Variants in PACRG observed in about 807,000 individuals in gnomAD.
PACRG encodes the protein parkin coregulated, also known as parkin coregulated gene protein.
PACRG carries 29 observed loss-of-function variants against 29.7 expected under a neutral mutation model. The ratio of observed to expected loss-of-function variants is 0.98; its 90% CI spans 0.73 to 1.33. The LOEUF (loss-of-function observed/expected upper bound fraction) is 1.33, where lower values mean the gene tolerates loss of function less well. Ranked by LOEUF, PACRG falls within the 40% of genes most tolerant of loss-of-function variation. The pLI is 0.00. For missense variants in PACRG, 279 were observed against 316.2 expected (o/e 0.88, Z 0.89); for synonymous variants, 116 against 118.7 (o/e 0.98, Z 0.15).
intron 4 of PACRG, among the ~76,000 whole-genome samples, chr6:163,100,140 A>G (rs949812888): frequency 2.0e-5 from 3 of 151,884 alleles, no homozygotes; most frequent in South Asian, 2.1e-4. Flanking sequence ...GGAGGCGGCT[A>G]CGGCTCGGCC....
chr6:162,908,534 G>A (rs1479027682), intron 2 of PACRG, among the ~76,000 whole-genome samples: 1 of 152,186 alleles, frequency 6.6e-6, no homozygotes, highest in African/African-American at 2.4e-5. Context: ...ATATGGCCCT[G>A]CAGCTGAAGA....
chr6:162,867,289 T>G (rs1445899405), intron 2 of PACRG, among the ~76,000 whole-genome samples: 1 of 152,188 alleles, frequency 6.6e-6, no homozygotes, highest in Non-Finnish European at 1.5e-5. Context: ...TTTTGGGTTT[T>G]GTTTTATTCT....
At chr6:163,102,614 A>AT (rs1176409918) in intron 4 of PACRG, among the ~76,000 whole-genome samples, 1 of 152,208 alleles carries the variant, frequency 6.6e-6, no homozygotes, top group Non-Finnish European at 1.5e-5. Flanking sequence ...TTTTTGCTAA[A>AT]TCTTTGCTAA....
intron 2 of PACRG, among the ~76,000 whole-genome samples, chr6:162,921,199 G>A (rs1270419505): frequency 2.6e-5 from 4 of 152,106 alleles, no homozygotes; most frequent in Admixed American, 1.3e-4. Flanking sequence ...GCCTTGTCAC[G>A]TAGACCCAGG....
rs775584565 is a variant in PACRG at position 163,089,394 on chromosome 6, T to C, written c.599T>C (p.Phe200Ser). 3 of 1,613,794 alleles carry C rather than the reference T, an allele frequency of 1.9e-6. No individual in the cohort carries two copies. The highest frequency in any genetic ancestry group is 1.7e-5 in the Admixed American group (1 of 59,966). The change falls in exon 4 of 5, where the codon TTT becomes TCT. Residue 200 changes from phenylalanine (F) to serine (S), a missense_variant. By Grantham distance (155) the Phe-to-Ser change is radical. Coordinates refer to ENST00000366888, the MANE Select transcript of PACRG (RefSeq NM_001080379.2). ...YRQILPVLNIFKNMNVNSGDG... is the reference protein window; with the variant it reads ...YRQILPVLNISKNMNVNSGDG... The stretch of plus-strand genomic sequence containing the variant: ...CAAATCCTCCCTGTCCTGAACATCT[T>C]TAAGAATATGAATGGTGAGTGAGCC...
chr6:162,964,769 T>C (rs1222320253), intron 2 of PACRG, among the ~76,000 whole-genome samples: 1 of 152,178 alleles, frequency 6.6e-6, no homozygotes, highest in African/African-American at 2.4e-5. Flanking sequence ...AATCCTGAGC[T>C]AAGATTAGGA....
At chr6:162,871,076 G>A (rs1014972608) in intron 2 of PACRG, among the ~76,000 whole-genome samples, 2 of 152,144 alleles carry the variant, frequency 1.3e-5, no homozygotes, top group African/African-American at 4.8e-5. Flanking sequence ...CAATTGCTAT[G>A]AGAAAATTAA....
At chr6:163,105,693 C>A (rs1815342248) in intron 4 of PACRG, among the ~76,000 whole-genome samples, 1 of 152,192 alleles carries the variant, frequency 6.6e-6, no homozygotes, top group African/African-American at 2.4e-5. Context: ...GGAAGATAAA[C>A]ATGTTTTTAG....
chr6:163,083,824 AAAG>A (rs1291252657), intron 3 of PACRG, among the ~76,000 whole-genome samples: 2 of 152,144 alleles, frequency 1.3e-5, no homozygotes, highest in Admixed American at 1.3e-4. Context: ...TCTTGTTTTA[AAAG>A]AAGAAGCAGA....
chr6:162,924,573 T>G (rs1797293956), intron 2 of PACRG, among the ~76,000 whole-genome samples: 1 of 152,120 alleles, frequency 6.6e-6, no homozygotes, highest in Non-Finnish European at 1.5e-5. Context: ...TATACCCCAT[T>G]TGTTGAGAGT....
chr6:163,233,200 C>T (rs929902732), intron 4 of PACRG, among the ~76,000 whole-genome samples: 2 of 152,206 alleles, frequency 1.3e-5, no homozygotes, highest in Non-Finnish European at 2.9e-5. Context: ...ATTTTTCTCA[C>T]CTACTTTCAT....
chr6:162,914,952 G>A (rs1450331324), intron 2 of PACRG, among the ~76,000 whole-genome samples: 2 of 151,646 alleles, frequency 1.3e-5, no homozygotes, highest in Non-Finnish European at 1.5e-5. Flanking sequence ...TGAGATTTTT[G>A]TATAAACAAT....
intron 4 of PACRG, among the ~76,000 whole-genome samples, chr6:163,136,699 T>C (rs1585255504): frequency 1.3e-5 from 2 of 152,242 alleles, no homozygotes; most frequent in South Asian, 2.1e-4. Context: ...CGGAAACTGT[T>C]GTACTACACC....
At chr6:162,803,056 T>A (rs1390651802) in intron 1 of PACRG, among the ~76,000 whole-genome samples, 1 of 152,142 alleles carries the variant, frequency 6.6e-6, no homozygotes, top group Non-Finnish European at 1.5e-5. Flanking sequence ...ACTCTTCAGA[T>A]GTCCAGTTGT....
At position 163,106,888 on chromosome 6, in the gene PACRG, GA is replaced by G. The variant is rs557989392; in HGVS notation, c.613+17482del. The stretch of plus-strand genomic sequence containing the variant: ...AATTGCAAGAAATGCTCTTTAGAAA[GA>G]AGAATTTACAAGACTTGCTCATTAA... On this transcript the variant is annotated intron_variant, in intron 4 of 4. Transcript: ENST00000366888. Among the ~76,000 whole-genome samples, 13 of 152,298 alleles carry G rather than the reference GA, an allele frequency of 8.5e-5. 1 individual carries two copies. In the East Asian group the frequency reaches 2.5e-3, roughly 29 times the overall value.
chr6:163,240,276 G>C (rs1293491482), intron 4 of PACRG, among the ~76,000 whole-genome samples: 3 of 150,102 alleles, frequency 2.0e-5, no homozygotes, highest in African/African-American at 7.3e-5. Context: ...GGACGATTGG[G>C]GGGTGCATTA....
rs76709756 is a variant in PACRG, at chr6:163,075,910, G to C, written c.464-13349G>C. ...GGTTAGCAGCAAGGTTCTGTTCATTGTCATTGCTTAGGGACCCAGCCTGAT... is the reference window on the plus strand; with the variant it reads ...GGTTAGCAGCAAGGTTCTGTTCATTCTCATTGCTTAGGGACCCAGCCTGAT... On this transcript the variant is annotated intron_variant, in intron 3 of 4. Coordinates refer to ENST00000366888, the MANE Select transcript of PACRG (RefSeq NM_001080379.2). Among the ~76,000 whole-genome samples the C allele has an allele frequency of 8.3e-3, 1,267 of 152,320 alleles. 18 individuals carry two copies. The highest frequency in any genetic ancestry group is 0.029 in the African/African-American group (1,222 of 41,574).
At chr6:162,998,823 T>C (rs1206656434) in intron 2 of PACRG, among the ~76,000 whole-genome samples, 4 of 152,222 alleles carry the variant, frequency 2.6e-5, no homozygotes, top group Non-Finnish European at 4.4e-5. Context: ...GAATTGATTC[T>C]GACATGTGAA....
intron 2 of PACRG, among the ~76,000 whole-genome samples, chr6:162,844,142 G>A (rs1335343572): frequency 2.3e-5 from 3 of 130,068 alleles, no homozygotes; most frequent in African/African-American, 7.0e-5. Context: ...CGAGCTTCCT[G>A]GCTGCTTTGT....
Sources: allele counts gnomAD v4.1 joint callset (sites outside exome capture counted in the v4.1 genomes callset), GRCh38; gene constraint gnomAD v4.1.1; transcripts MANE v1.5; gene names NCBI Gene and HGNC (gene_info 2026-07-23, HGNC 2026-07-21).